RASSF3: variants seen among roughly 807,000 people sequenced by gnomAD.
RASSF3 encodes the protein ras association domain-containing protein 3.
A neutral mutation model predicts 19.9 loss-of-function variants in RASSF3; 19 were observed. That is an observed-to-expected ratio of 0.96 (90% CI 0.67 to 1.40). RASSF3 has a LOEUF of 1.40. RASSF3 is among the 40% of genes most tolerant of loss of function. The pLI is 0.00. For missense variants in RASSF3, 306 were observed against 289.8 expected, an observed-to-expected ratio of 1.06 and a Z score of -0.41; for synonymous variants, 110 against 104.2, an observed-to-expected ratio of 1.06 and a Z score of -0.34.
At chr12:64,551,609 T>C (rs530552004) in intron 2 of RASSF3, among the ~76,000 whole-genome samples, 8 of 152,302 alleles carry the variant, frequency 5.3e-5, no homozygotes, top group African/African-American at 1.7e-4. Context: ...TGTAATCATG[T>C]CTACTACTTA....
intron 1 of RASSF3, among the ~76,000 whole-genome samples, chr12:64,521,154 C>A (rs1297462042): frequency 6.6e-6 from 1 of 152,172 alleles, no homozygotes; most frequent in East Asian, 1.9e-4. Flanking sequence ...TGCCGCTCCC[C>A]CAGCTGACCC....
At chr12:64,666,416 ACT>A (rs1237102477) in intron 1 of RASSF3, among the ~76,000 whole-genome samples, 2 of 152,070 alleles carry the variant, frequency 1.3e-5, no homozygotes, top group Admixed American at 6.6e-5. Flanking sequence ...ACTGAAACAG[ACT>A]CTAAAAATAC....
chr12:64,656,852 A>G (rs1872176787), intron 1 of RASSF3, among the ~76,000 whole-genome samples: 1 of 152,212 alleles, frequency 6.6e-6, no homozygotes, highest in Admixed American at 6.5e-5. Flanking sequence ...AATAATGTGG[A>G]TGAATCTTGA....
At chr12:64,518,362 C>G (rs1868404016) in intron 1 of RASSF3, among the ~76,000 whole-genome samples, 1 of 152,170 alleles carries the variant, frequency 6.6e-6, no homozygotes, top group Non-Finnish European at 1.5e-5. Context: ...AAGCATGGTG[C>G]TGACATCTGC....
intron 2 of RASSF3, among the ~76,000 whole-genome samples, chr12:64,565,605 AG>A (rs1869416104): frequency 1.3e-5 from 2 of 152,144 alleles, no homozygotes; most frequent in African/African-American, 4.8e-5. Flanking sequence ...CCCAGCTACT[AG>A]GGGTTTCTGA....
intron 2 of RASSF3, among the ~76,000 whole-genome samples, chr12:64,573,033 C>T (rs984517150): frequency 3.3e-5 from 5 of 152,166 alleles, no homozygotes; most frequent in Non-Finnish European, 7.3e-5. Flanking sequence ...CTGTACCCAG[C>T]CCAAAATGCA....
chr12:64,554,400 G>T (rs1181105988), intron 2 of RASSF3, among the ~76,000 whole-genome samples: 1 of 152,174 alleles, frequency 6.6e-6, no homozygotes, highest in East Asian at 1.9e-4. Flanking sequence ...TGCCTCCTAG[G>T]TTCAAGAGAT....
intron 1 of RASSF3, among the ~76,000 whole-genome samples, chr12:64,535,527 C>CACACGCCACCACAAAAAAAAAAA (rs1868805701): frequency 6.6e-6 from 1 of 151,958 alleles, no homozygotes; most frequent in Admixed American, 6.6e-5. Flanking sequence ...ACCACATCAG[C>CACACGCCACCACAAAAAAAAAAA]TAATTTTTTG....
At chr12:64,632,529 C>A (rs1274722083) in intron 1 of RASSF3, among the ~76,000 whole-genome samples, 1 of 151,970 alleles carries the variant, frequency 6.6e-6, no homozygotes, top group African/African-American at 2.4e-5. Context: ...AGAAGGACTC[C>A]AGAAATTGAG....
chr12:64,547,995 G>A (rs928475471), intron 2 of RASSF3, among the ~76,000 whole-genome samples: 5 of 151,406 alleles, frequency 3.3e-5, no homozygotes, highest in African/African-American at 9.7e-5. Flanking sequence ...GTATTTCTTC[G>A]TAAAACTGGA....
intron 1 of RASSF3, among the ~76,000 whole-genome samples, chr12:64,638,740 A>G (rs1478536922): frequency 1.3e-5 from 2 of 151,894 alleles, no homozygotes; most frequent in Non-Finnish European, 2.9e-5. Flanking sequence ...CCATCCATCT[A>G]CTTTATACTT....
At chr12:64,552,783 G>A (rs1347605337) in intron 2 of RASSF3, among the ~76,000 whole-genome samples, 1 of 152,100 alleles carries the variant, frequency 6.6e-6, no homozygotes, top group East Asian at 1.9e-4. Flanking sequence ...TCATTGGTGG[G>A]CATTTGGGTT....
intron 2 of RASSF3, among the ~76,000 whole-genome samples, chr12:64,577,985 G>A (rs547783242): frequency 3.3e-5 from 5 of 151,450 alleles, no homozygotes; most frequent in Non-Finnish European, 7.4e-5. Context: ...TTGGGAGGCC[G>A]AGGTGGGCAG....
chr12:64,685,257 T>C (rs1342000816), intron 2 of RASSF3, among the ~76,000 whole-genome samples: 1 of 152,174 alleles, frequency 6.6e-6, no homozygotes, highest in Non-Finnish European at 1.5e-5. Flanking sequence ...TTGTTTTGTT[T>C]TGTTTTGAAA....
At chr12:64,645,450 A>G (rs1871696768) in intron 1 of RASSF3, among the ~76,000 whole-genome samples, 2 of 152,054 alleles carry the variant, frequency 1.3e-5, no homozygotes, top group Admixed American at 1.3e-4. Flanking sequence ...AGGTGGGAGG[A>G]TGGTTTGAAG....
rs559099449 is a variant in RASSF3, at chr12:64,677,262, A to G, written c.112-7525A>G. Reference sequence around the variant, plus strand: ...GTTGCTCCTGGCTGCTCTGATGGACAGCACGGTCACAGGACATTTCCTCCA... The same window carrying G: ...GTTGCTCCTGGCTGCTCTGATGGACGGCACGGTCACAGGACATTTCCTCCA... On this transcript the variant is annotated intron_variant, in intron 1 of 4. Transcript: ENST00000542104. 3.3e-5 allele frequency among the ~76,000 whole-genome samples: 5 copies of G among 152,374 alleles called. No individual in the cohort carries two copies. The South Asian group carries it at 1.0e-3, about 32-fold the overall frequency.
At chr12:64,559,314 G>A (rs1338986230) in intron 2 of RASSF3, among the ~76,000 whole-genome samples, 1 of 150,928 alleles carries the variant, frequency 6.6e-6, no homozygotes, top group Non-Finnish European at 1.5e-5. Flanking sequence ...CGCGATCTCG[G>A]TTCACTGCAA....
chr12:64,641,474 T>A (rs115225287), intron 1 of RASSF3, among the ~76,000 whole-genome samples: 1 of 149,046 alleles, frequency 6.7e-6, no homozygotes, highest in African/African-American at 2.6e-5. Context: ...ACTAGACCTG[T>A]ACAGTTGTCA....
At chr12:64,555,392 C>G (rs746504463) in intron 2 of RASSF3, among the ~76,000 whole-genome samples, 2 of 152,148 alleles carry the variant, frequency 1.3e-5, no homozygotes, top group East Asian at 1.9e-4. Flanking sequence ...ATCTTAATGT[C>G]TTAAACAAGA....
Sources: allele counts gnomAD v4.1 joint callset (sites outside exome capture counted in the v4.1 genomes callset), GRCh38; gene constraint gnomAD v4.1.1; transcripts MANE v1.5; gene names NCBI Gene and HGNC (gene_info 2026-07-23, HGNC 2026-07-21).